TEC: variants seen among roughly 807,000 people sequenced by gnomAD.
TEC encodes tyrosine-protein kinase Tec.
A neutral mutation model predicts 93.0 loss-of-function variants in TEC; 72 were observed. That is an observed-to-expected ratio of 0.77 (90% CI 0.64 to 0.94). The LOEUF is 0.94. Ranked by LOEUF, TEC falls within the 40% of genes least tolerant of loss-of-function variation. TEC has a pLI of 0.00. For missense variants in TEC, 630 were observed against 757.9 expected (o/e 0.83, Z 1.98); for synonymous variants, 249 against 247.7 (o/e 1.01, Z -0.05).
intron 2 of TEC, among the ~76,000 whole-genome samples, chr4:48,179,338 G>GTATGTA (rs1721462657): frequency 1.9e-5 from 1 of 51,652 alleles, no homozygotes; most frequent in African/African-American, 9.5e-5. Context: ...GACGTGGGTA[G>GTATGTA]TATATATATA....
At chr4:48,167,584 A>G (rs1465231979) in intron 7 of TEC, among the ~76,000 whole-genome samples, 194 bp downstream of exon 7, 3 of 152,220 alleles carry the variant, frequency 2.0e-5, no homozygotes, top group African/African-American at 7.2e-5. Flanking sequence ...TTTGAAAAGA[A>G]GTGATTGATC....
intron 1 of TEC, among the ~76,000 whole-genome samples, chr4:48,267,867 G>C (rs1724680235): frequency 6.6e-6 from 1 of 152,214 alleles, no homozygotes; most frequent in South Asian, 2.1e-4. Flanking sequence ...GGAACAGCTG[G>C]GGCAGGGAGG....
intron 9 of TEC, among the ~76,000 whole-genome samples, chr4:48,154,118 C>T (rs2456928): frequency 0.49 from 74,942 of 152,094 alleles, 19,393 homozygotes; most frequent in African/African-American, 0.64. Context: ...GTGACAACTC[C>T]TTATGAAAGC....
At chr4:48,139,117 A>G (rs2109499871) in intron 15 of TEC, 95 bp from the exon 16 acceptor site, 2 of 1,049,592 alleles carry the variant, frequency 1.9e-6, no homozygotes, top group East Asian at 2.4e-5. Flanking sequence ...TCAAAAACAC[A>G]GTTGACTGAA....
intron 8 of TEC, among the ~76,000 whole-genome samples, chr4:48,161,780 C>T (rs1313347004): frequency 1.3e-5 from 2 of 152,232 alleles, no homozygotes; most frequent in Non-Finnish European, 2.9e-5. Context: ...CACCCTCAAT[C>T]TGGATGGGCA....
intron 1 of TEC, among the ~76,000 whole-genome samples, chr4:48,268,687 G>A (rs1371598400): frequency 2.0e-5 from 3 of 152,184 alleles, no homozygotes; most frequent in Admixed American, 2.0e-4. Context: ...CTCTTTAGCA[G>A]AGAATAATCT....
intron 3 of TEC, 47 bp downstream of exon 3, chr4:48,176,035 C>G (rs1322763011): frequency 7.0e-7 from 1 of 1,431,440 alleles, no homozygotes; most frequent in Non-Finnish European, 9.8e-7. Flanking sequence ...AAAGAGCAAA[C>G]ATGACTAAGC....
intron 1 of TEC, among the ~76,000 whole-genome samples, chr4:48,264,947 T>A (rs1238357796): frequency 6.6e-6 from 1 of 152,066 alleles, no homozygotes; most frequent in Non-Finnish European, 1.5e-5. Flanking sequence ...ACCCCAGACC[T>A]TCTGCTTTTT....
In TEC at chr4:48,179,031, G is replaced by T. The variant is rs529139781; in HGVS notation, c.139-2845C>A. On this transcript the variant is annotated intron_variant, in intron 2 of 17. Coordinates refer to ENST00000381501, the MANE Select transcript of TEC (RefSeq NM_003215.3). Reference sequence around the variant, plus strand: ...TTTGCAAGTGCTGACACTCTTCTGCGCCCTTAGTGGCCCTGACTTTGGGTT... The same window carrying T: ...TTTGCAAGTGCTGACACTCTTCTGCTCCCTTAGTGGCCCTGACTTTGGGTT... 5.9e-5 allele frequency among the ~76,000 whole-genome samples: 9 copies of T among 152,116 alleles called. No individual in the cohort carries two copies. The South Asian group carries it at 8.3e-4, about 14-fold the overall frequency.
At chr4:48,154,893 C>T (rs1720330119) in intron 9 of TEC, among the ~76,000 whole-genome samples, 1 of 152,124 alleles carries the variant, frequency 6.6e-6, no homozygotes, top group African/African-American at 2.4e-5. Flanking sequence ...TGCTATATCC[C>T]CAGTCTGCAG....
At chr4:48,169,643 C>T (rs1222423517) in intron 5 of TEC, among the ~76,000 whole-genome samples, 4 of 152,116 alleles carry the variant, frequency 2.6e-5, no homozygotes, top group Non-Finnish European at 1.5e-5. Context: ...ACGGTATATC[C>T]AATCATTACT....
At chr4:48,250,954 G>C (rs115691402) in intron 1 of TEC, among the ~76,000 whole-genome samples, 207 of 152,260 alleles carry the variant, frequency 1.4e-3, no homozygotes, top group African/African-American at 4.4e-3. Flanking sequence ...ATAACTAATA[G>C]AGCCATCATT....
intron 15 of TEC, among the ~76,000 whole-genome samples, chr4:48,139,922 G>A (rs1719590316): frequency 6.6e-6 from 1 of 152,214 alleles, no homozygotes; most frequent in African/African-American, 2.4e-5. Flanking sequence ...ACTGTGGGCT[G>A]GATCAAACTG....
intron 2 of TEC, among the ~76,000 whole-genome samples, chr4:48,212,110 A>AAAAATATATATATATATATAT: frequency 8.2e-6 from 1 of 122,266 alleles, no homozygotes; most frequent in African/African-American, 3.0e-5. Context: ...AAAAAAAAAA[A>AAAAATATATATATATATATAT]ATATATATAT....
intron 8 of TEC, among the ~76,000 whole-genome samples, chr4:48,161,976 C>A (rs575641431): frequency 6.6e-6 from 1 of 152,150 alleles, no homozygotes; most frequent in African/African-American, 2.4e-5. Flanking sequence ...AGCTTGCAGA[C>A]GGCCTATTAT....
Position 48,168,589 on chromosome 4 carries a change from C to T in TEC, c.492G>A (p.Lys164=). The change falls in exon 6 of 18, where the codon AAG becomes AAA. Residue 164 remains lysine, a synonymous_variant. Transcript: ENST00000381501. ...RKALPPAPET[K]KRRPPPPIPL... Reference sequence around the variant, plus strand: ...TCAAAAGCTAAAGACCACCTACCTTCTTTGTTTCTGGTGCTGGAGGTAGTG... The same window carrying T: ...TCAAAAGCTAAAGACCACCTACCTTTTTTGTTTCTGGTGCTGGAGGTAGTG... 3.1e-6 allele frequency: 5 copies of T among 1,608,804 alleles called. No individual in the cohort carries two copies. The highest frequency in any genetic ancestry group is 4.2e-6 in the Non-Finnish European group (5 of 1,178,702).
chr4:48,211,527 A>G (rs1406249104), intron 2 of TEC, among the ~76,000 whole-genome samples: 1 of 152,216 alleles, frequency 6.6e-6, no homozygotes, highest in Non-Finnish European at 1.5e-5. Flanking sequence ...CCTAGTCAGG[A>G]TAAGTTAACC....
intron 2 of TEC, among the ~76,000 whole-genome samples, chr4:48,212,427 C>T (rs1027053445): frequency 1.3e-5 from 2 of 152,144 alleles, no homozygotes; most frequent in East Asian, 3.9e-4. Flanking sequence ...TACACTCGCC[C>T]GAAAGATAAG....
chr4:48,141,493 T>C (rs1262551418), intron 14 of TEC, 74 bp from the exon 15 acceptor site: 1 of 1,436,566 alleles, frequency 7.0e-7, no homozygotes, highest in Non-Finnish European at 9.7e-7. Flanking sequence ...AAGTTCTATT[T>C]ATATTAAATT....
Sources: gnomAD v4.1 joint callset for allele counts (sites outside exome capture counted in the v4.1 genomes callset) on GRCh38, gnomAD v4.1.1 for gene constraint, MANE v1.5 for transcripts, NCBI Gene and HGNC (gene_info 2026-07-23, HGNC 2026-07-21) for gene names.